EPS15: variants seen among roughly 807,000 people sequenced by gnomAD.
EPS15 encodes the protein epidermal growth factor receptor substrate 15.
In EPS15, 72 loss-of-function variants were observed where a neutral mutation model predicts 113.8. The ratio of observed to expected loss-of-function variants is 0.63; its 90% CI spans 0.52 to 0.77. EPS15 has a LOEUF of 0.77. Ranked by LOEUF, EPS15 falls within the 30% of genes least tolerant of loss-of-function variation. The pLI is 0.00. For missense variants in EPS15, 1,048 were observed against 1,045.8 expected, an observed-to-expected ratio of 1.00 and a Z score of -0.03; for synonymous variants, 344 against 363.4, an observed-to-expected ratio of 0.95 and a Z score of 0.61.
intron 24 of EPS15, among the ~76,000 whole-genome samples, chr1:51,360,065 G>A (rs1197773766): frequency 6.6e-6 from 1 of 152,004 alleles, no homozygotes; most frequent in African/African-American, 2.4e-5. Context: ...GAGATTACAG[G>A]CGTGAGCCAC....
At chr1:51,493,846 C>G (rs1434270103) in intron 1 of EPS15, among the ~76,000 whole-genome samples, 1 of 151,954 alleles carries the variant, frequency 6.6e-6, no homozygotes, top group African/African-American at 2.4e-5. Flanking sequence ...AACTCCTGAC[C>G]TCAGGTGATC....
intron 21 of EPS15, chr1:51,372,200 T>C (rs1167983970): frequency 4.6e-6 from 2 of 432,822 alleles, no homozygotes; most frequent in Non-Finnish European, 9.4e-6. Context: ...TTCACAGGAG[T>C]TGCTGCTACT....
intron 1 of EPS15, among the ~76,000 whole-genome samples, chr1:51,509,980 A>G (rs912880374): frequency 2.0e-5 from 3 of 152,248 alleles, no homozygotes; most frequent in African/African-American, 7.2e-5. Context: ...ACCACTTAGC[A>G]GCAGTTTGAC....
intron 1 of EPS15, among the ~76,000 whole-genome samples, chr1:51,489,301 A>ATATG (rs2148534251): frequency 7.1e-6 from 1 of 141,034 alleles, no homozygotes; most frequent in East Asian, 1.9e-4. Flanking sequence ...ATATATATAT[A>ATATG]TATATGTATG....
chr1:51,497,866 A>C lies in EPS15; in HGVS notation c.34-16552T>G, dbSNP rs533157227. Among the ~76,000 whole-genome samples, 159 of 152,022 alleles carry C rather than the reference A, an allele frequency of 1.0e-3. 1 individual carries two copies. The highest frequency in any genetic ancestry group is 3.7e-3 in the African/African-American group (154 of 41,476). On this transcript the variant is annotated intron_variant, in intron 1 of 24. Transcript: ENST00000371733. ...GTGGTGCGCGCCTGTAGTCCCAGCT[A>C]CTTGGGAGGCTGAGACAGGAGAATC...
chr1:51,501,866 G>T (rs1644421102), intron 1 of EPS15, among the ~76,000 whole-genome samples: 2 of 152,154 alleles, frequency 1.3e-5, no homozygotes. Context: ...AGTTGCAGGG[G>T]AGAGTCTAAT....
chr1:51,455,946 A>T (rs77994327), intron 8 of EPS15, among the ~76,000 whole-genome samples: 4,551 of 144,564 alleles, frequency 0.031, 76 homozygotes, highest in African/African-American at 0.052. Context: ...ATTTACTTTT[A>T]AAAAAAAAAA....
intron 1 of EPS15, among the ~76,000 whole-genome samples, chr1:51,489,593 T>C (rs1392228611): frequency 6.6e-6 from 1 of 152,116 alleles, no homozygotes; most frequent in Non-Finnish European, 1.5e-5. Context: ...GGTGGTATTA[T>C]AATTCCCAGT....
chr1:51,403,403 T>C lies in EPS15; in HGVS notation c.1791+16A>G, dbSNP rs1386343299. The C allele has an allele frequency of 2.1e-6, 3 of 1,425,604 alleles. No homozygotes were observed. Among genetic ancestry groups the C allele is most frequent in the South Asian group, 2.4e-5 (2 of 84,042 alleles). The allele number at this position is 1,425,604 out of a possible 1,614,324, so 88.3% of individuals were successfully genotyped here. The stretch of plus-strand genomic sequence containing the variant: ...CCCTTACAAGTCCCCAATGTAAATA[T>C]AAAATCATTTTTTACCTCTTTTGAA... On this transcript the variant is annotated intron_variant, in intron 17 of 24. Transcript: ENST00000371733.
At chr1:51,478,111 G>A (rs1277677867) in intron 2 of EPS15, among the ~76,000 whole-genome samples, 7 of 152,132 alleles carry the variant, frequency 4.6e-5, no homozygotes, top group African/African-American at 1.7e-4. Context: ...AGGTCTCTAA[G>A]GACTTGCTTT....
In EPS15 at chr1:51,356,634, A is replaced by G. The variant is rs1026322752; in HGVS notation, c.*66T>C. The G allele has an allele frequency of 1.4e-6, 2 of 1,410,418 alleles. No individual in the cohort carries two copies. The highest frequency in any genetic ancestry group is 2.0e-5 in the Admixed American group (1 of 51,272). 87.4% of individuals were successfully genotyped at this position (1,410,418 alleles called of 1,614,324 possible). A position where few individuals can be genotyped will look rare whatever the true frequency, so the allele number is the denominator to read the frequency against. On this transcript the variant is annotated 3_prime_UTR_variant, in exon 25 of 25. Transcript: ENST00000371733. ...ATGCTCACAGGTAGTTTTGATACAC[A>G]TTGTAAATAGTTTCAGTATTCAGGA...
chr1:51,479,416 G>C (rs1244869439), intron 2 of EPS15, among the ~76,000 whole-genome samples: 2 of 152,190 alleles, frequency 1.3e-5, no homozygotes, highest in East Asian at 1.9e-4. Flanking sequence ...CTTTAGCTCA[G>C]AGAAGTTTGT....
chr1:51,390,429 C>A (rs1557792163), intron 21 of EPS15, among the ~76,000 whole-genome samples: 1 of 152,104 alleles, frequency 6.6e-6, no homozygotes, highest in Non-Finnish European at 1.5e-5. Context: ...TCTAAAACAC[C>A]AAAAGCAATG....
chr1:51,475,346 T>A (rs1055949223), intron 2 of EPS15, among the ~76,000 whole-genome samples: 4 of 151,984 alleles, frequency 2.6e-5, no homozygotes, highest in African/African-American at 9.7e-5. Context: ...AACATCTGTT[T>A]CCTGACTTTT....
At chr1:51,397,799 C>G (rs1296210558) in intron 20 of EPS15, among the ~76,000 whole-genome samples, 1 of 152,162 alleles carries the variant, frequency 6.6e-6, no homozygotes, top group Non-Finnish European at 1.5e-5. Flanking sequence ...TATTCTTAAT[C>G]TAATAGTACT....
intron 2 of EPS15, among the ~76,000 whole-genome samples, chr1:51,474,260 CAA>C (rs1323959850): frequency 6.6e-6 from 1 of 152,234 alleles, no homozygotes; most frequent in Non-Finnish European, 1.5e-5. Context: ...ATATCTTCAA[CAA>C]AGAGTCTTAG....
At chr1:51,508,426 TTAATAA>T (rs1246305309) in intron 1 of EPS15, among the ~76,000 whole-genome samples, 1 of 152,008 alleles carries the variant, frequency 6.6e-6, no homozygotes, top group Non-Finnish European at 1.5e-5. Flanking sequence ...CAGGTAAGTA[TTAATAA>T]TAATACAAGC....
chr1:51,377,072 G>T (rs12404611), intron 21 of EPS15, among the ~76,000 whole-genome samples: 4 of 152,258 alleles, frequency 2.6e-5, no homozygotes, highest in African/African-American at 9.6e-5. Flanking sequence ...TTCGAGACCA[G>T]CCTGGCCAAC....
In EPS15 at chr1:51,428,430, T is replaced by C. The variant is rs188905663; in HGVS notation, c.1041-6572A>G. On this transcript the variant is annotated intron_variant, in intron 12 of 24. Transcript: ENST00000371733. ...AGAGACAAATGCATAAAAAAGAATT[T>C]ATGAATCTGTTAGTAGATACACAAT... Among the ~76,000 whole-genome samples, 493 of 152,314 alleles carry C rather than the reference T, an allele frequency of 3.2e-3. 5 individuals are homozygous for C. The highest frequency in any genetic ancestry group is 4.4e-3 in the Non-Finnish European group (298 of 68,016).
Sources: allele counts gnomAD v4.1 joint callset (sites outside exome capture counted in the v4.1 genomes callset), GRCh38; gene constraint gnomAD v4.1.1; transcripts MANE v1.5; gene names NCBI Gene and HGNC (gene_info 2026-07-23, HGNC 2026-07-21).